The following CTNNBIP1 variants were observed in gnomAD, a reference collection of about 807,000 sequenced individuals.
CTNNBIP1 encodes beta-catenin-interacting protein 1.
A neutral mutation model predicts 11.8 loss-of-function variants in CTNNBIP1; 7 were observed. The observed-to-expected ratio is 0.60, with a 90% CI of 0.34 to 1.12. The LOEUF (loss-of-function observed/expected upper bound fraction) is 1.12, where lower values mean the gene tolerates loss of function less well. Ranked by LOEUF, CTNNBIP1 falls within the 50% of genes most tolerant of loss-of-function variation. The probability of loss-of-function intolerance (pLI) is 0.03; values close to 1 mark genes in which losing one functional copy is unlikely to be tolerated. For synonymous variants in CTNNBIP1, 58 were observed against 43.9 expected (o/e 1.32, Z -1.26); for missense variants, 101 against 113.4 (o/e 0.89, Z 0.50).
intron 1 of CTNNBIP1, among the ~76,000 whole-genome samples, chr1:9,895,062 C>T (rs189711080): frequency 7.2e-5 from 11 of 152,240 alleles, no homozygotes; most frequent in African/African-American, 2.2e-4. Context: ...CGCCCACCAC[C>T]ATGCCCTGCT....
chr1:9,866,657 G>A (rs565977248), intron 5 of CTNNBIP1, among the ~76,000 whole-genome samples: 1 of 150,268 alleles, frequency 6.7e-6, no homozygotes, highest in South Asian at 2.1e-4. Context: ...TCCAGCCTGG[G>A]TGACAGAACA....
rs564117139 is a variant in CTNNBIP1 at position 9,881,843 on chromosome 1, G to C, written c.-110+1862C>G. On this transcript the variant is annotated intron_variant, in intron 2 of 5. Coordinates refer to ENST00000377263, the MANE Select transcript of CTNNBIP1 (RefSeq NM_020248.3). The stretch of plus-strand genomic sequence containing the variant: ...TACACACAGCCCTGAACCAGGCTTG[G>C]GGAGCACAAGGTACAGAACTGGGGC... 5.9e-5 allele frequency among the ~76,000 whole-genome samples: 9 copies of C among 152,292 alleles called. No individual in the cohort carries two copies. In the South Asian group the frequency reaches 1.9e-3, roughly 32 times the overall value.
chr1:9,894,481 G>A (rs756328411), intron 1 of CTNNBIP1, among the ~76,000 whole-genome samples: 1 of 151,348 alleles, frequency 6.6e-6, no homozygotes, highest in Non-Finnish European at 1.5e-5. Context: ...TCAGCCTCCT[G>A]AGTAGCTAGG....
intron 1 of CTNNBIP1, among the ~76,000 whole-genome samples, chr1:9,902,630 G>A (rs1184258293): frequency 6.6e-6 from 1 of 152,152 alleles, no homozygotes; most frequent in Non-Finnish European, 1.5e-5. Flanking sequence ...GTGTGCATCT[G>A]GAGATCATGT....
At chr1:9,877,489 C>T (rs1248078380) in intron 3 of CTNNBIP1, among the ~76,000 whole-genome samples, 1 of 152,232 alleles carries the variant, frequency 6.6e-6, no homozygotes, top group Non-Finnish European at 1.5e-5. Flanking sequence ...GGGAGCAAAG[C>T]TGCTCCTTCA....
At position 9,848,293 on chromosome 1, in the gene CTNNBIP1, T is replaced by A. The variant is rs954163681; in HGVS notation, c.*2425A>T. 2.0e-5 allele frequency: 3 copies of A among 152,218 alleles called. No homozygotes were observed. The highest frequency in any genetic ancestry group is 2.9e-5 in the Non-Finnish European group (2 of 68,040). 9.4% of individuals were successfully genotyped at this position (152,218 alleles called of 1,614,324 possible). A position where few individuals can be genotyped will look rare whatever the true frequency, so the allele number is the denominator to read the frequency against. Reference sequence around the variant, plus strand: ...CACACACGAACCTATGAAAATTCTTTATTGTTAATTTCTTTCTCCAACAGA... The same window carrying A: ...CACACACGAACCTATGAAAATTCTTAATTGTTAATTTCTTTCTCCAACAGA... On this transcript the variant is annotated 3_prime_UTR_variant, in exon 6 of 6. Coordinates refer to ENST00000377263, the MANE Select transcript of CTNNBIP1 (RefSeq NM_020248.3). The surrounding 1 kb of genome is among the most constrained non-coding windows in gnomAD (Gnocchi z 4.3).
At chr1:9,870,101 T>C (rs1326049529) in intron 5 of CTNNBIP1, among the ~76,000 whole-genome samples, 12 of 152,190 alleles carry the variant, frequency 7.9e-5, no homozygotes, top group Non-Finnish European at 1.5e-4. Flanking sequence ...CAGGCCCCTG[T>C]GCCAGGACAG....
intron 1 of CTNNBIP1, among the ~76,000 whole-genome samples, chr1:9,886,450 G>A (rs1231951567): frequency 6.6e-6 from 1 of 152,222 alleles, no homozygotes; most frequent in African/African-American, 2.4e-5. Flanking sequence ...TTGCCAGGTC[G>A]AGAGCACTGC....
chr1:9,889,283 C>T lies in CTNNBIP1; in HGVS notation c.-143-5545G>A, dbSNP rs543994679. 2.6e-5 allele frequency among the ~76,000 whole-genome samples: 4 copies of T among 152,328 alleles called. No homozygotes were observed. In the South Asian group the frequency reaches 8.3e-4, roughly 32 times the overall value. On this transcript the variant is annotated intron_variant, in intron 1 of 5. Coordinates refer to ENST00000377263, the MANE Select transcript of CTNNBIP1 (RefSeq NM_020248.3). ...CTACAGCCGTGGCTCTCAATGGGGG[C>T]GATTCTGCCCCACGGCAGAAATGTG... is the stretch of plus-strand genomic sequence containing the variant.
chr1:9,866,356 C>A (rs370993229), intron 5 of CTNNBIP1, among the ~76,000 whole-genome samples: 2 of 152,156 alleles, frequency 1.3e-5, no homozygotes, highest in East Asian at 3.9e-4. Flanking sequence ...GCTAAAGGGG[C>A]TGGATTTTAT....
chr1:9,899,245 C>G (rs1473437751), intron 1 of CTNNBIP1, among the ~76,000 whole-genome samples: 1 of 150,200 alleles, frequency 6.7e-6, no homozygotes, highest in East Asian at 2.0e-4. Context: ...CACCTAAGAT[C>G]AGGAGTTCAA....
chr1:9,882,243 G>A (rs896319498), intron 2 of CTNNBIP1, among the ~76,000 whole-genome samples: 1 of 152,174 alleles, frequency 6.6e-6, no homozygotes, highest in Non-Finnish European at 1.5e-5. Flanking sequence ...GAAGTTCAGC[G>A]AACAATTACT....
chr1:9,880,222 T>C (rs1639054882), intron 2 of CTNNBIP1, among the ~76,000 whole-genome samples: 1 of 147,638 alleles, frequency 6.8e-6, no homozygotes, highest in South Asian at 2.3e-4. Flanking sequence ...AGTGAGAACA[T>C]ACGATGTTTG....
chr1:9,886,771 C>A (rs1480664991), intron 1 of CTNNBIP1, among the ~76,000 whole-genome samples: 1 of 152,182 alleles, frequency 6.6e-6, no homozygotes, highest in Non-Finnish European at 1.5e-5. Flanking sequence ...TGCCGCAGCT[C>A]CTGCTAGAGT....
At chr1:9,899,337 T>G (rs1291404240) in intron 1 of CTNNBIP1, among the ~76,000 whole-genome samples, 1 of 149,832 alleles carries the variant, frequency 6.7e-6, no homozygotes, top group African/African-American at 2.5e-5. Flanking sequence ...GCACCTGTAA[T>G]GCCAGCTACC....
At chr1:9,852,826 G>A (rs1372214738) in intron 5 of CTNNBIP1, among the ~76,000 whole-genome samples, 2 of 152,198 alleles carry the variant, frequency 1.3e-5, no homozygotes, top group Non-Finnish European at 2.9e-5. Flanking sequence ...CCTCTGTAGT[G>A]AGCTGCAGGC....
chr1:9,880,247 T>C (rs1639055373), intron 2 of CTNNBIP1, among the ~76,000 whole-genome samples: 1 of 152,018 alleles, frequency 6.6e-6, no homozygotes, highest in Admixed American at 6.6e-5. Flanking sequence ...TCTGTTCCTG[T>C]GTTAGTTTGC....
At chr1:9,907,426 C>G (rs1479768140) in intron 1 of CTNNBIP1, among the ~76,000 whole-genome samples, 1 of 152,144 alleles carries the variant, frequency 6.6e-6, no homozygotes, top group African/African-American at 2.4e-5. Flanking sequence ...CCGCCTTGGC[C>G]TCCTAAAATG....
intron 5 of CTNNBIP1, among the ~76,000 whole-genome samples, chr1:9,861,148 C>G (rs1638617597): frequency 6.6e-6 from 1 of 152,202 alleles, no homozygotes; most frequent in Non-Finnish European, 1.5e-5. Flanking sequence ...GGTTGTGGTA[C>G]CTTTTCCTCC....
Sources: allele counts gnomAD v4.1 joint callset (sites outside exome capture counted in the v4.1 genomes callset), GRCh38; gene constraint gnomAD v4.1.1; non-coding constraint Gnocchi (gnomAD v3.1); transcripts MANE v1.5; gene names NCBI Gene and HGNC (gene_info 2026-07-23, HGNC 2026-07-21).